The following CCDC178 variants were observed in gnomAD, a reference collection of about 807,000 sequenced individuals.
The protein encoded by CCDC178 is coiled-coil domain containing 178.
CCDC178 carries 126 observed loss-of-function variants against 117.4 expected under a neutral mutation model. The ratio of observed to expected loss-of-function variants is 1.07; its 90% CI spans 0.93 to 1.24. The LOEUF (loss-of-function observed/expected upper bound fraction) is 1.24. Ranked by LOEUF, CCDC178 falls within the 50% of genes most tolerant of loss-of-function variation. The pLI, the probability that CCDC178 is intolerant of heterozygous loss-of-function variation, is 0.00. For synonymous variants in CCDC178, 283 were observed against 313.4 expected, an observed-to-expected ratio of 0.90 and a Z score of 1.02; for missense variants, 1,030 against 986.9, an observed-to-expected ratio of 1.04 and a Z score of -0.59.
chr18:33,017,516 G>A (rs1343607415), intron 21 of CCDC178, among the ~76,000 whole-genome samples: 4 of 151,902 alleles, frequency 2.6e-5, no homozygotes, highest in African/African-American at 7.2e-5. Context: ...CAATACTTCC[G>A]AAATTCATCT....
rs2057962870 is a variant in CCDC178 at position 33,123,431 on chromosome 18, T to C, written c.2239-30521A>G. ...TACAAATTCAAATATGTATGTCAAA[T>C]TCAAGTTTAGCATTGAACTACAGAC... On this transcript the variant is annotated intron_variant, in intron 20 of 22. Coordinates refer to ENST00000383096, the MANE Select transcript of CCDC178 (RefSeq NM_001105528.4). 1.3e-5 allele frequency among the ~76,000 whole-genome samples: 2 copies of C among 152,138 alleles called. 1 individual carries two copies. Among genetic ancestry groups the C allele is most frequent in the South Asian group, 4.1e-4 (2 of 4,830 alleles).
At chr18:33,054,232 T>C (rs2056790687) in intron 21 of CCDC178, among the ~76,000 whole-genome samples, 2 of 152,184 alleles carry the variant, frequency 1.3e-5, no homozygotes. Context: ...TCAAATCAAA[T>C]AAATATGACA....
intron 12 of CCDC178, among the ~76,000 whole-genome samples, chr18:33,275,001 T>A (rs755424501): frequency 1.3e-5 from 2 of 152,040 alleles, no homozygotes; most frequent in Non-Finnish European, 2.9e-5. Flanking sequence ...TAAATGATAA[T>A]AAATGTACAA....
chr18:33,337,666 C>A (rs1349577223), intron 9 of CCDC178, among the ~76,000 whole-genome samples: 2 of 152,096 alleles, frequency 1.3e-5, no homozygotes, highest in Non-Finnish European at 2.9e-5. Context: ...GGAAAGGACA[C>A]CCTATTCAAC....
At chr18:33,129,122 G>A (rs141682761) in intron 20 of CCDC178, among the ~76,000 whole-genome samples, 2 of 152,194 alleles carry the variant, frequency 1.3e-5, no homozygotes, top group African/African-American at 4.8e-5. Flanking sequence ...ATTTCTTGGA[G>A]GGTGATGATA....
chr18:33,275,725 A>G (rs897961283), intron 12 of CCDC178, among the ~76,000 whole-genome samples: 7 of 148,450 alleles, frequency 4.7e-5, no homozygotes, highest in African/African-American at 1.5e-4. Flanking sequence ...TGTAGCTTCT[A>G]TGGTCAATCT....
At chr18:32,952,772 C>CTTT (rs112669320) in intron 22 of CCDC178, among the ~76,000 whole-genome samples, 50 of 130,048 alleles carry the variant, frequency 3.8e-4, no homozygotes, top group African/African-American at 1.3e-3. Flanking sequence ...ATTTTATAAA[C>CTTT]TTTTTTTTTT....
intron 21 of CCDC178, among the ~76,000 whole-genome samples, chr18:32,989,017 GATA>G (rs1371497453): frequency 6.6e-6 from 1 of 152,010 alleles, no homozygotes; most frequent in African/African-American, 2.4e-5. Context: ...AGTTTTATAG[GATA>G]ATTTTTCCAA....
At position 33,255,034 on chromosome 18, in the gene CCDC178, T is replaced by C. The variant is rs189091250; in HGVS notation, c.1410-9606A>G. Among the ~76,000 whole-genome samples the C allele has an allele frequency of 1.9e-3, 283 of 152,008 alleles. 1 individual carries two copies. Among genetic ancestry groups the C allele is most frequent in the African/African-American group, 6.3e-3 (263 of 41,512 alleles). On this transcript the variant is annotated intron_variant, in intron 14 of 22. Transcript: ENST00000383096. ...ATAGTGAGCTCTTGCTTTGGTGAGA[T>C]TGGATTAGTTTTTATGGGAATTAAT... is the stretch of plus-strand genomic sequence containing the variant.
chr18:33,107,680 C>T (rs1172185244), intron 20 of CCDC178, among the ~76,000 whole-genome samples: 1 of 151,494 alleles, frequency 6.6e-6, no homozygotes, highest in Non-Finnish European at 1.5e-5. Flanking sequence ...TTTTCAACAC[C>T]ATTTTAAATG....
At chr18:33,099,300 C>A (rs78783127) in intron 20 of CCDC178, among the ~76,000 whole-genome samples, 9 of 152,020 alleles carry the variant, frequency 5.9e-5, no homozygotes, top group Non-Finnish European at 1.3e-4. Context: ...CACATGCCCA[C>A]GCATTACACC....
At chr18:33,243,342 A>G (rs1376856320) in intron 15 of CCDC178, among the ~76,000 whole-genome samples, 6 of 151,818 alleles carry the variant, frequency 4.0e-5, no homozygotes, top group African/African-American at 1.4e-4. Context: ...ATACCACTGT[A>G]GGATCACTAT....
intron 20 of CCDC178, among the ~76,000 whole-genome samples, chr18:33,109,093 G>A (rs2057745931): frequency 6.6e-6 from 1 of 151,610 alleles, no homozygotes; most frequent in Admixed American, 6.6e-5. Context: ...ATTCAATGCA[G>A]TGACCATAAG....
intron 11 of CCDC178, among the ~76,000 whole-genome samples, chr18:33,311,588 G>A (rs2062342737): frequency 6.6e-6 from 1 of 152,146 alleles, no homozygotes; most frequent in Non-Finnish European, 1.5e-5. Context: ...CTTCTTCAAT[G>A]TGCCTTCTTC....
intron 20 of CCDC178, among the ~76,000 whole-genome samples, chr18:33,109,310 T>C (rs1263689016): frequency 1.3e-5 from 2 of 151,670 alleles, no homozygotes; most frequent in African/African-American, 4.8e-5. Flanking sequence ...TGCTTAAGCA[T>C]TGAAACCATA....
intron 21 of CCDC178, among the ~76,000 whole-genome samples, chr18:32,986,832 C>T (rs1368183258): frequency 6.6e-6 from 1 of 151,868 alleles, no homozygotes; most frequent in African/African-American, 2.4e-5. Context: ...TTATGTATGT[C>T]TGAAGTTCAG....
At chr18:32,978,203 A>ATTTTTT (rs34863142) in intron 21 of CCDC178, among the ~76,000 whole-genome samples, 111 of 90,026 alleles carry the variant, frequency 1.2e-3, no homozygotes, top group African/African-American at 3.1e-3. Flanking sequence ...CTCAAAAAAG[A>ATTTTTT]TTTTTTTTTT....
chr18:33,326,805 C>G (rs1442436935), intron 10 of CCDC178, among the ~76,000 whole-genome samples: 1 of 151,780 alleles, frequency 6.6e-6, no homozygotes, highest in Non-Finnish European at 1.5e-5. Flanking sequence ...GCAGCCTTCT[C>G]TCTCATTCGA....
rs530035122 is a variant in CCDC178 at position 33,123,410 on chromosome 18, A to T, written c.2239-30500T>A. 2.6e-5 allele frequency among the ~76,000 whole-genome samples: 4 copies of T among 152,192 alleles called. No homozygotes were observed. The South Asian group carries it at 8.3e-4, about 32-fold the overall frequency. ...CTTTTCAGCTTCCTTCAAATATACA[A>T]ATTCAAATATGTATGTCAAATTCAA... On this transcript the variant is annotated intron_variant, in intron 20 of 22. Coordinates refer to ENST00000383096, the MANE Select transcript of CCDC178 (RefSeq NM_001105528.4).
Sources: gnomAD v4.1 joint callset for allele counts (sites outside exome capture counted in the v4.1 genomes callset) on GRCh38, gnomAD v4.1.1 for gene constraint, MANE v1.5 for transcripts, NCBI Gene and HGNC (gene_info 2026-07-23, HGNC 2026-07-21) for gene names.